Variants in PRKCB observed in about 807,000 individuals in gnomAD.
The protein encoded by PRKCB is protein kinase C beta type.
In PRKCB, 13 loss-of-function variants were observed where a neutral mutation model predicts 81.5. The observed-to-expected ratio is 0.16, with a 90% CI of 0.10 to 0.25. The LOEUF is 0.25. Among genes scored for constraint, PRKCB ranks in the 10% least tolerant of loss-of-function variants. The pLI is 1.00. For missense variants in PRKCB, 509 were observed against 875.7 expected, an observed-to-expected ratio of 0.58 and a Z score of 5.29; for synonymous variants, 335 against 321.4, an observed-to-expected ratio of 1.04 and a Z score of -0.45.
intron 9 of PRKCB, among the ~76,000 whole-genome samples, chr16:24,133,571 C>G (rs946791129): frequency 2.0e-5 from 3 of 152,164 alleles, no homozygotes. Context: ...TTTTCTTAAC[C>G]CTTACCAACT....
At position 24,043,335 on chromosome 16, in the gene PRKCB, G is replaced by A. The variant is rs148725381; in HGVS notation, c.529+7788G>A. On this transcript the variant is annotated intron_variant, in intron 5 of 16. Transcript: ENST00000643927. ...AGTAAAGTAGAAACTTTGAAAATTG[G>A]AAATTCTTGTTTACAATTTTTTGTT... Among the ~76,000 whole-genome samples, 199 of 152,216 alleles carry A rather than the reference G, an allele frequency of 1.3e-3. 2 individuals are homozygous for A. The highest frequency in any genetic ancestry group is 4.6e-3 in the African/African-American group (190 of 41,536).
chr16:23,889,889 C>T (rs1414106721), intron 2 of PRKCB, among the ~76,000 whole-genome samples: 1 of 152,120 alleles, frequency 6.6e-6, no homozygotes, highest in Non-Finnish European at 1.5e-5. Flanking sequence ...ATTTTATTTC[C>T]CTTCCCTTTT....
intron 2 of PRKCB, among the ~76,000 whole-genome samples, chr16:23,914,833 A>G (rs907854623): frequency 8.5e-5 from 13 of 152,304 alleles, no homozygotes; most frequent in Non-Finnish European, 1.6e-4. Flanking sequence ...AGTGGACTGT[A>G]CTGGTGATGT....
intron 2 of PRKCB, among the ~76,000 whole-genome samples, chr16:23,942,672 A>G (rs192576534): frequency 1.3e-5 from 2 of 152,356 alleles, no homozygotes; most frequent in Non-Finnish European, 1.5e-5. Context: ...AGCAGTAAAT[A>G]TGATTGGATG....
At position 24,171,653 on chromosome 16, in the gene PRKCB, A is replaced by G. The variant is rs918983270; in HGVS notation, c.1240-617A>G. ...TTTTTGTTAAAATCAGCCTTATCCT[A>G]AACAATAATATCAGTTAAGTCACAA... On this transcript the variant is annotated intron_variant, in intron 10 of 16. Coordinates refer to ENST00000643927, the MANE Select transcript of PRKCB (RefSeq NM_002738.7). Among the ~76,000 whole-genome samples the G allele has an allele frequency of 2.6e-5, 4 of 152,176 alleles. No individual in the cohort carries two copies. In the South Asian group the frequency reaches 8.3e-4, roughly 32 times the overall value.
intron 5 of PRKCB, among the ~76,000 whole-genome samples, chr16:24,047,259 T>C (rs1965778970): frequency 1.3e-5 from 2 of 152,098 alleles, no homozygotes; most frequent in Admixed American, 6.6e-5. Flanking sequence ...GGAGAATCGC[T>C]TGAACCCGGG....
chr16:24,032,644 G>A (rs542641628), intron 4 of PRKCB, among the ~76,000 whole-genome samples: 27 of 152,286 alleles, frequency 1.8e-4, no homozygotes, highest in African/African-American at 6.0e-4. Context: ...ACCAGGCCAC[G>A]TGTCTTTCCT....
intron 8 of PRKCB, 23 bp downstream of exon 8, chr16:24,113,092 C>T (rs757730373): frequency 6.4e-7 from 1 of 1,571,668 alleles, no homozygotes; most frequent in South Asian, 1.1e-5. Context: ...TTCTTTTTCT[C>T]TTCTTTCTTT....
chr16:24,074,280 G>A (rs1477371417), intron 5 of PRKCB, among the ~76,000 whole-genome samples: 2 of 152,202 alleles, frequency 1.3e-5, no homozygotes, highest in South Asian at 2.1e-4. Flanking sequence ...CCGAGGCACT[G>A]TGATGTCGTG....
chr16:24,072,325 T>G (rs930624979), intron 5 of PRKCB, among the ~76,000 whole-genome samples: 1 of 152,098 alleles, frequency 6.6e-6, no homozygotes, highest in Non-Finnish European at 1.5e-5. Flanking sequence ...TGGAGTGCAG[T>G]GGTACGATCA....
chr16:23,843,886 T>A (rs1027232822), intron 2 of PRKCB, among the ~76,000 whole-genome samples: 3 of 152,026 alleles, frequency 2.0e-5, no homozygotes, highest in African/African-American at 7.3e-5. Flanking sequence ...TTATACACAT[T>A]TGTACTGTTG....
intron 8 of PRKCB, 139 bp downstream of exon 8, chr16:24,113,208 T>C: frequency 1.7e-6 from 1 of 583,880 alleles, no homozygotes; most frequent in South Asian, 2.6e-5. Flanking sequence ...CTCTCTCTTT[T>C]CTTTCCTTCT....
chr16:24,177,547 A>C (rs1484318609), intron 12 of PRKCB, among the ~76,000 whole-genome samples: 1 of 152,224 alleles, frequency 6.6e-6, no homozygotes, highest in Non-Finnish European at 1.5e-5. Context: ...ACACAACCCA[A>C]GCTCTGACAG....
Position 24,191,176 on chromosome 16 carries a change from T to C in PRKCB, c.1809T>C (p.Ile603=), listed in dbSNP as rs765130298. 6.2e-7 allele frequency: 1 copy of C among 1,614,110 alleles called. No individual in the cohort carries two copies. Residue 603 remains isoleucine, a synonymous_variant, in exon 16 of 17, where the codon ATT becomes ATC. Transcript: ENST00000643927. The part of the protein sequence containing the change: ...DIKEHAFFRY[I]DWEKLERKEI... ...AAGAGCATGCATTTTTCCGGTATATTGATTGGGAGAAACTTGAACGCAAAG... is the reference window on the plus strand; with the variant it reads ...AAGAGCATGCATTTTTCCGGTATATCGATTGGGAGAAACTTGAACGCAAAG...
chr16:23,887,346 C>A (rs1963219733), intron 2 of PRKCB, among the ~76,000 whole-genome samples: 1 of 152,134 alleles, frequency 6.6e-6, no homozygotes, highest in African/African-American at 2.4e-5. Flanking sequence ...CCGTTACCCC[C>A]TTCTCTCCCT....
At chr16:24,181,573 C>A (rs867589227) in intron 13 of PRKCB, among the ~76,000 whole-genome samples, 1 of 151,884 alleles carries the variant, frequency 6.6e-6, no homozygotes, top group Non-Finnish European at 1.5e-5. Context: ...TCCAGACCAG[C>A]CTGGCCAACA....
At chr16:24,119,249 C>T (rs1966770096) in intron 8 of PRKCB, among the ~76,000 whole-genome samples, 1 of 151,642 alleles carries the variant, frequency 6.6e-6, no homozygotes, top group African/African-American at 2.4e-5. Flanking sequence ...GGGTGCCAGC[C>T]CCAGATTCAG....
At chr16:23,839,168 G>A (rs543109618) in intron 2 of PRKCB, among the ~76,000 whole-genome samples, 1 of 152,138 alleles carries the variant, frequency 6.6e-6, no homozygotes, top group Non-Finnish European at 1.5e-5. Context: ...ATTTGAAATA[G>A]GAGATCCTTT....
chr16:24,055,541 G>A (rs1965893712), intron 5 of PRKCB, among the ~76,000 whole-genome samples: 1 of 152,226 alleles, frequency 6.6e-6, no homozygotes, highest in South Asian at 2.1e-4. Context: ...AATAAGAGCT[G>A]AGAGCCTGTT....
Sources: allele counts gnomAD v4.1 joint callset (sites outside exome capture counted in the v4.1 genomes callset), GRCh38; gene constraint gnomAD v4.1.1; transcripts MANE v1.5; gene names NCBI Gene and HGNC (gene_info 2026-07-23, HGNC 2026-07-21).